Variants in CDH23 observed in about 807,000 individuals in gnomAD.
CDH23 encodes cadherin related 23, also known as cadherin-23.
CDH23 carries 189 observed loss-of-function variants against 317.1 expected under a neutral mutation model. The observed-to-expected ratio is 0.60, with a 90% CI of 0.53 to 0.67. CDH23 has a LOEUF of 0.67. Ranked by LOEUF, CDH23 falls within the 30% of genes least tolerant of loss-of-function variation. The pLI, the probability that CDH23 is intolerant of heterozygous loss-of-function variation, is 0.00. For synonymous variants in CDH23, 1,839 were observed against 1,876.8 expected (o/e 0.98, Z 0.52); for missense variants, 4,401 against 4,592.4 (o/e 0.96, Z 1.20).
intron 6 of CDH23, among the ~76,000 whole-genome samples, chr10:71,564,337 A>C (rs1408916421): frequency 6.6e-6 from 1 of 152,176 alleles, no homozygotes; most frequent in Non-Finnish European, 1.5e-5. Flanking sequence ...CAGGACCTGA[A>C]ATGCAGGAAG....
intron 6 of CDH23, among the ~76,000 whole-genome samples, chr10:71,531,878 A>C (rs1855391925): frequency 6.6e-6 from 1 of 152,168 alleles, no homozygotes; most frequent in Admixed American, 6.5e-5. Context: ...AGAGCCAAAG[A>C]GGGGAACAAC....
chr10:71,698,721 G>A (rs1343528079), intron 22 of CDH23, among the ~76,000 whole-genome samples: 2 of 152,192 alleles, frequency 1.3e-5, no homozygotes, highest in Non-Finnish European at 2.9e-5. Context: ...GGCCCTGCCT[G>A]ACTACTGTCT....
intron 1 of CDH23, among the ~76,000 whole-genome samples, chr10:71,419,939 G>C (rs1848677603): frequency 6.6e-6 from 1 of 152,218 alleles, no homozygotes; most frequent in African/African-American, 2.4e-5. Context: ...TGGTGAGGCT[G>C]AGCATGTCTC....
intron 8 of CDH23, among the ~76,000 whole-genome samples, chr10:71,576,945 A>T (rs908540101): frequency 6.6e-6 from 1 of 152,216 alleles, no homozygotes; most frequent in Non-Finnish European, 1.5e-5. Flanking sequence ...GGACAGTCTT[A>T]TGCCTCCAGG....
Position 71,524,481 on chromosome 10 carries a change from G to A in CDH23, c.429+13269G>A, listed in dbSNP as rs183519288. Among the ~76,000 whole-genome samples, 187 of 152,306 alleles carry A rather than the reference G, an allele frequency of 1.2e-3. 1 individual carries two copies. Among genetic ancestry groups the A allele is most frequent in the African/African-American group, 4.4e-3 (181 of 41,572 alleles). Reference sequence around the variant, plus strand: ...GGCCTCGTCAGTCAAAGGCAGCTAGGGGCAAAAGGAGGATGCCTTGCTCAG... The same window carrying A: ...GGCCTCGTCAGTCAAAGGCAGCTAGAGGCAAAAGGAGGATGCCTTGCTCAG... On this transcript the variant is annotated intron_variant, in intron 6 of 69. Transcript: ENST00000224721.
chr10:71,580,042 G>A (rs1049401505), intron 9 of CDH23, among the ~76,000 whole-genome samples: 1 of 152,204 alleles, frequency 6.6e-6, no homozygotes, highest in African/African-American at 2.4e-5. Flanking sequence ...CTTAGAATGG[G>A]AACTCCTGCA....
At chr10:71,778,078 G>A (rs1411037669) in intron 39 of CDH23, 111 bp from the exon 40 acceptor site, 4 of 1,502,554 alleles carry the variant, frequency 2.7e-6, no homozygotes, top group Non-Finnish European at 3.6e-6. Flanking sequence ...GGGGGTGGCA[G>A]TGGTTCCCCA....
In CDH23 at chr10:71,704,927, T is replaced by C; in HGVS notation, c.2750T>C (p.Leu917Pro). ...VSIYQVVAID[L>P]DEGLNGLVSY... Reference sequence around the variant, plus strand: ...TGCCCTCAGGTGGTGGCCATCGACCTCGATGAGGGCCTGAACGGCCTGGTG... The same window carrying C: ...TGCCCTCAGGTGGTGGCCATCGACCCCGATGAGGGCCTGAACGGCCTGGTG... The change falls in exon 25 of 70, where the codon CTC becomes CCC. Residue 917 changes from leucine (L) to proline (P), a missense_variant. Physicochemically the swap from Leu to Pro is moderately conservative, Grantham distance 98. Around this residue, in one of 3 missense-constraint regions of CDH23, gnomAD observed 3,068 missense variants for 3,203.3 expected, o/e 0.96. Transcript: ENST00000224721. 6.2e-7 allele frequency: 1 copy of C among 1,612,608 alleles called. No homozygotes were observed. Among genetic ancestry groups the C allele is most frequent in the Non-Finnish European group, 8.5e-7 (1 of 1,179,606 alleles).
rs2132705726 is a variant in CDH23 at position 71,690,508 on chromosome 10, C to T, written c.2100C>T (p.Arg700=). ...TCCTGAATGCCACAGACCTGGACCG[C>T]TCCCGGGAGTACGGCCAGGAGTCCA... is the stretch of plus-strand genomic sequence containing the variant. The part of the protein sequence containing the change: ...VLFLNATDLD[R]SREYGQESII... Residue 700 remains arginine (R), a synonymous_variant, in exon 20 of 70, where the codon CGC becomes CGT. Transcript: ENST00000224721. 1 of 1,611,406 alleles carries T rather than the reference C, an allele frequency of 6.2e-7. No individual in the cohort carries two copies. Among genetic ancestry groups the T allele is most frequent in the Middle Eastern group, 1.7e-4 (1 of 6,056 alleles).
chr10:71,807,708 T>C lies in CDH23; in HGVS notation c.8501T>C (p.Val2834Ala). The C allele has an allele frequency of 1.9e-6, 3 of 1,612,466 alleles. No homozygotes were observed. ...VADLTLQEVR[V>A]VLEDINDQPP... ...GACCTCACACTGCAGGAGGTGCGCG[T>C]TGTGCTAGAGGACATCAACGACCAG... The change falls in exon 59 of 70, where the codon GTT (valine) becomes GCT (alanine). Residue 2834 changes from valine to alanine, a missense_variant. Transcript: ENST00000224721.
rs749502088 is a variant in CDH23 at position 71,694,309 on chromosome 10, G to T, written c.2289+50G>T. 23 of 1,395,876 alleles carry T rather than the reference G, an allele frequency of 1.6e-5. No individual in the cohort carries two copies. The highest frequency in any genetic ancestry group is 1.8e-4 in the Middle Eastern group (1 of 5,466). The allele number at this position is 1,395,876 out of a possible 1,614,324, so 86.5% of individuals were successfully genotyped here. On this transcript the variant is annotated intron_variant, in intron 21 of 69. Coordinates refer to ENST00000224721, the MANE Select transcript of CDH23 (RefSeq NM_022124.6). ...CCAGCTCCCCCTCGCCGGCCAGGCT[G>T]CTGCTCCCTGCTTGTACCTCTGGAC...
At chr10:71,460,606 C>A (rs1188078933) in intron 3 of CDH23, among the ~76,000 whole-genome samples, 3 of 152,228 alleles carry the variant, frequency 2.0e-5, no homozygotes, top group African/African-American at 7.2e-5. Flanking sequence ...GCCTGACGGG[C>A]CAGGAGCGGC....
At chr10:71,616,709 A>G (rs1246419305) in intron 10 of CDH23, among the ~76,000 whole-genome samples, 1 of 152,232 alleles carries the variant, frequency 6.6e-6, no homozygotes, top group East Asian at 1.9e-4. Context: ...GCTCTGGCCC[A>G]GAGACTGGAC....
chr10:71,524,331 A>G (rs1854893124), intron 6 of CDH23, among the ~76,000 whole-genome samples: 1 of 152,142 alleles, frequency 6.6e-6, no homozygotes, highest in South Asian at 2.1e-4. Context: ...TCTGTAGCCC[A>G]TATCCTTTAA....
chr10:71,615,403 C>T (rs1861124366), intron 9 of CDH23, 101 bp from the exon 10 acceptor site: 2 of 765,010 alleles, frequency 2.6e-6, no homozygotes, highest in Non-Finnish European at 4.6e-6. Context: ...TCTTTAATGC[C>T]CAGAGAGGAG....
chr10:71,644,413 C>T lies in CDH23; in HGVS notation c.1140+547C>T, dbSNP rs139374670. Among the ~76,000 whole-genome samples the T allele has an allele frequency of 3.5e-3, 538 of 152,328 alleles. 5 individuals carry two copies. The highest frequency in any genetic ancestry group is 0.012 in the African/African-American group (486 of 41,574). ...AAAACCCAAGAGACTGATGGGTAAACGTTAGCATGCATTCATTCCACAAGT... is the reference window on the plus strand; with the variant it reads ...AAAACCCAAGAGACTGATGGGTAAATGTTAGCATGCATTCATTCCACAAGT... On this transcript the variant is annotated intron_variant, in intron 12 of 69. Transcript: ENST00000224721.
intron 38 of CDH23, chr10:71,773,269 C>A: frequency 2.1e-6 from 3 of 1,407,980 alleles, no homozygotes; most frequent in South Asian, 2.5e-5. Flanking sequence ...GCTGAGAGGG[C>A]CCCCAGGACG....
intron 6 of CDH23, among the ~76,000 whole-genome samples, chr10:71,522,074 G>A (rs1854724919): frequency 6.6e-6 from 1 of 151,446 alleles, no homozygotes; most frequent in African/African-American, 2.4e-5. Context: ...CATGCCAGTG[G>A]CATGAGTTAA....
intron 3 of CDH23, among the ~76,000 whole-genome samples, chr10:71,483,998 C>A (rs967964725): frequency 6.6e-6 from 1 of 152,148 alleles, no homozygotes; most frequent in Non-Finnish European, 1.5e-5. Context: ...CCAGCCCGAG[C>A]GCACCTGTGG....
Sources: allele counts gnomAD v4.1 joint callset (sites outside exome capture counted in the v4.1 genomes callset), GRCh38; gene constraint gnomAD v4.1.1; regional missense constraint gnomAD v4.1.1; transcripts MANE v1.5; gene names NCBI Gene and HGNC (gene_info 2026-07-23, HGNC 2026-07-21).